TRNAU1AP: variants seen among roughly 807,000 people sequenced by gnomAD.
TRNAU1AP encodes the protein tRNA selenocysteine 1 associated protein 1, also known as tRNA selenocysteine 1-associated protein 1.
A neutral mutation model predicts 43.3 loss-of-function variants in TRNAU1AP; 33 were observed. That is an observed-to-expected ratio of 0.76 (90% CI 0.58 to 1.02). TRNAU1AP has a LOEUF of 1.02. TRNAU1AP is among the 50% of genes least tolerant of loss of function. The pLI is 0.00. For missense variants in TRNAU1AP, 290 were observed against 362.7 expected, an observed-to-expected ratio of 0.80 and a Z score of 1.63; for synonymous variants, 143 against 129.1, an observed-to-expected ratio of 1.11 and a Z score of -0.73.
chr1:28,568,742 C>T (rs748097606), intron 6 of TRNAU1AP, among the ~76,000 whole-genome samples: 4 of 151,786 alleles, frequency 2.6e-5, no homozygotes, highest in Non-Finnish European at 4.4e-5. Context: ...TGCAATTCAT[C>T]GGACAGCCAC....
intron 2 of TRNAU1AP, among the ~76,000 whole-genome samples, chr1:28,557,469 C>G (rs1443093983): frequency 8.5e-6 from 1 of 118,162 alleles, no homozygotes; most frequent in Non-Finnish European, 1.8e-5. Flanking sequence ...TTACATGTTT[C>G]TTTTTTTTTT....
At chr1:28,569,715 A>T (rs61786014) in intron 6 of TRNAU1AP, among the ~76,000 whole-genome samples, 4 of 114,702 alleles carry the variant, frequency 3.5e-5, no homozygotes, top group African/African-American at 1.0e-4. Flanking sequence ...GGCCAGGTGC[A>T]GTGGCTCACG....
intron 8 of TRNAU1AP, among the ~76,000 whole-genome samples, chr1:28,573,036 C>CTTTTTTT (rs534588648): frequency 2.2e-5 from 3 of 133,762 alleles, no homozygotes; most frequent in Non-Finnish European, 4.8e-5. Flanking sequence ...TTTTCTTTTT[C>CTTTTTTT]TTTTTTTTTT....
At chr1:28,566,009 A>G (rs892807409) in intron 5 of TRNAU1AP, among the ~76,000 whole-genome samples, 1 of 152,056 alleles carries the variant, frequency 6.6e-6, no homozygotes, top group African/African-American at 2.4e-5. Flanking sequence ...GTTTGATTAG[A>G]TCACCCTGAG....
At chr1:28,560,611 T>C in intron 2 of TRNAU1AP, 22 bp from the exon 3 acceptor site, 6 of 1,598,310 alleles carry the variant, frequency 3.8e-6, no homozygotes, top group Non-Finnish European at 5.1e-6. Context: ...CCATTTTCTT[T>C]CTCTATTTGC....
At chr1:28,571,808 T>C in intron 7 of TRNAU1AP, 59 bp from the exon 8 acceptor site, 1 of 1,349,476 alleles carries the variant, frequency 7.4e-7, no homozygotes, top group Non-Finnish European at 1.0e-6. Context: ...TATAAGCCAC[T>C]GTGGTCCTGG....
chr1:28,571,284 A>T lies in TRNAU1AP; in HGVS notation c.639A>T (p.Thr213=). Residue 213 remains threonine, a synonymous_variant, in exon 7 of 9, where the codon ACA becomes ACT. Coordinates refer to ENST00000373830, the MANE Select transcript of TRNAU1AP (RefSeq NM_017846.5). ...CTCAGTGGGGCTATGACCAGAACAC[A>T]GGCAGCTACAGCTACAGTTACCCCC... ...YYAQWGYDQN[T]GSYSYSYPQY... 6.2e-7 allele frequency: 1 copy of T among 1,614,062 alleles called. No homozygotes were observed. The highest frequency in any genetic ancestry group is 8.5e-7 in the Non-Finnish European group (1 of 1,179,942).
intron 6 of TRNAU1AP, among the ~76,000 whole-genome samples, chr1:28,568,112 C>T (rs1478747525): frequency 1.3e-5 from 2 of 152,096 alleles, no homozygotes; most frequent in Non-Finnish European, 2.9e-5. Context: ...TGCAGTGAGC[C>T]GAGATGGCAT....
chr1:28,572,340 T>G (rs1665680341), intron 8 of TRNAU1AP, among the ~76,000 whole-genome samples: 1 of 151,900 alleles, frequency 6.6e-6, no homozygotes, highest in Non-Finnish European at 1.5e-5. Flanking sequence ...ATTACGGGCA[T>G]GCACCACCAT....
chr1:28,561,486 C>T (rs1010020958), intron 4 of TRNAU1AP, 88 bp downstream of exon 4: 1 of 1,475,524 alleles, frequency 6.8e-7, no homozygotes, highest in African/African-American at 1.4e-5. Context: ...GGTTTGGCTG[C>T]ACTTGGTTCC....
chr1:28,568,728 A>G (rs1408435483), intron 6 of TRNAU1AP, among the ~76,000 whole-genome samples: 1 of 152,116 alleles, frequency 6.6e-6, no homozygotes, highest in Non-Finnish European at 1.5e-5. Context: ...ACTGTTAAAC[A>G]TCATGCAATT....
At chr1:28,558,691 A>T (rs569699168) in intron 2 of TRNAU1AP, among the ~76,000 whole-genome samples, 67 of 149,840 alleles carry the variant, frequency 4.5e-4, no homozygotes, top group African/African-American at 1.6e-3. Flanking sequence ...CAGCCTCCCT[A>T]GTAGCTGGGA....
Position 28,568,390 on chromosome 1 carries a change from C to G in TRNAU1AP, c.530+977C>G, listed in dbSNP as rs538069009. 1.4e-3 allele frequency among the ~76,000 whole-genome samples: 206 copies of G among 152,274 alleles called. 2 individuals are homozygous for G. The highest frequency in any genetic ancestry group is 4.5e-3 in the African/African-American group (188 of 41,554). ...CTCCCCAGGCTCGGGATCCTCCCAT[C>G]TCAGCCTCCTGATTAGCTGGTACTA... On this transcript the variant is annotated intron_variant, in intron 6 of 8. Transcript: ENST00000373830.
intron 4 of TRNAU1AP, among the ~76,000 whole-genome samples, chr1:28,562,463 A>G (rs1042512673): frequency 2.0e-5 from 3 of 152,242 alleles, no homozygotes; most frequent in African/African-American, 7.2e-5. Flanking sequence ...GATGGATCGT[A>G]TTTATGAACA....
chr1:28,561,313 T>G (rs770915004), intron 3 of TRNAU1AP, 33 bp from the exon 4 acceptor site: 3 of 1,613,668 alleles, frequency 1.9e-6, no homozygotes, highest in Admixed American at 1.7e-5. Context: ...AACACCTTTC[T>G]CTGTTTTAGT....
chr1:28,558,968 A>G (rs1665343715), intron 2 of TRNAU1AP, among the ~76,000 whole-genome samples: 1 of 152,208 alleles, frequency 6.6e-6, no homozygotes, highest in African/African-American at 2.4e-5. Context: ...TTAAATTTTT[A>G]TAATTGTCCC....
rs998976595 is a variant in TRNAU1AP, at chr1:28,558,062, ATTTTTTT to A, written c.126-2555_126-2549del. Among the ~76,000 whole-genome samples the A allele has an allele frequency of 4.0e-4, 49 of 122,112 alleles. 1 individual carries two copies. Among genetic ancestry groups the A allele is most frequent in the Non-Finnish European group, 3.8e-4 (23 of 60,148 alleles). 80.1% of individuals were successfully genotyped at this position (122,112 alleles called of 152,430 possible). A position where few individuals can be genotyped will look rare whatever the true frequency, so the allele number is the denominator to read the frequency against. ...AGTCATGTGCCACTATGCCTGGCTA[ATTTTTTT>A]TTTTTTTTTTTTTTTGTTTAGTAGA... On this transcript the variant is annotated intron_variant, in intron 2 of 8. Transcript: ENST00000373830.
chr1:28,561,141 C>T, intron 3 of TRNAU1AP: 1 of 1,413,880 alleles, frequency 7.1e-7, no homozygotes, highest in Non-Finnish European at 9.2e-7. Flanking sequence ...CACCAGCTGG[C>T]ACACCTGGGC....
In TRNAU1AP at chr1:28,577,513, G is replaced by A; in HGVS notation, c.741G>A (p.Gln247=). ...GDDALEDPMP[Q]LDVTEANKEF... is the part of the protein sequence containing the mutation. ...CTTGCTTTCCAGACCCCATGCCACA[G>A]CTGGATGTGACTGAGGCCAACAAGG... The change falls in exon 9 of 9, where the codon CAG becomes CAA. Residue 247 remains glutamine, a synonymous_variant. Coordinates refer to ENST00000373830, the MANE Select transcript of TRNAU1AP (RefSeq NM_017846.5). The A allele has an allele frequency of 3.7e-6, 6 of 1,613,946 alleles. No homozygotes were observed. The highest frequency in any genetic ancestry group is 1.3e-5 in the African/African-American group (1 of 75,026).
Sources: allele counts gnomAD v4.1 joint callset (sites outside exome capture counted in the v4.1 genomes callset), GRCh38; gene constraint gnomAD v4.1.1; transcripts MANE v1.5; gene names NCBI Gene and HGNC (gene_info 2026-07-23, HGNC 2026-07-21).